ZNF518A: variants seen among roughly 807,000 people sequenced by gnomAD.
ZNF518A encodes the protein zinc finger protein 518A, also known as zinc finger protein 518.
In ZNF518A, 47 loss-of-function variants were observed where a neutral mutation model predicts 102.7. The observed-to-expected ratio is 0.46, with a 90% CI of 0.36 to 0.58. ZNF518A has a LOEUF of 0.58. ZNF518A is among the 20% of genes least tolerant of loss of function. ZNF518A has a pLI of 0.00. For synonymous variants in ZNF518A, 652 were observed against 594.6 expected, an observed-to-expected ratio of 1.10 and a Z score of -1.40; for missense variants, 1,793 against 1,699.8, an observed-to-expected ratio of 1.05 and a Z score of -0.96.
At chr10:96,142,308 GTGTGTGTGTGTGTGTGTGT>G (rs2081969879) in intron 3 of ZNF518A, among the ~76,000 whole-genome samples, 12 of 94,294 alleles carry the variant, frequency 1.3e-4, no homozygotes, top group South Asian at 2.9e-4. Context: ...TTCTTAGGGT[GTGTGTGTGTGTGTGTGTGT>G]GTGTGTGTGT....
downstream of ZNF518A, among the ~76,000 whole-genome samples, chr10:96,166,017 C>A (rs2133877993): frequency 6.6e-6 from 1 of 152,174 alleles, no homozygotes; most frequent in South Asian, 2.1e-4. Flanking sequence ...ACCAAGGGGC[C>A]ACGGGTGTAA....
At position 96,172,834 on chromosome 10, in the gene ZNF518A, T is replaced by C. The variant is rs587663256; in HGVS notation, n.35+16787T>C. The stretch of plus-strand genomic sequence containing the variant: ...TAAATCCAACTATATTAATATAACA[T>C]TAAATGTGAATGGATTAAACAGTCC... On this transcript the variant is annotated intron_variant and non_coding_transcript_variant, in intron 1 of 2. Coordinates refer to the ZNF518A transcript ENST00000442635. Among the ~76,000 whole-genome samples the C allele has an allele frequency of 1.1e-4, 17 of 152,164 alleles. No homozygotes were observed. In the South Asian group the frequency reaches 3.5e-3, roughly 32 times the overall value.
In ZNF518A at chr10:96,158,046, A is replaced by T. The variant is rs368721223; in HGVS notation, c.1724A>T (p.Asn575Ile). ...ACCACAAAATTTGAAACAAGAGATA[A>T]TGTTGACTTCTGGGGAAATCATCTC... ...NLTTKFETRD[N>I]VDFWGNHLTQ... The change falls in exon 6 of 6, where the codon AAT (asparagine) becomes ATT (isoleucine). Residue 575 changes from asparagine (N) to isoleucine (I), a missense_variant. Coordinates refer to ENST00000316045, the MANE Select transcript of ZNF518A (RefSeq NM_001330736.2). The T allele has an allele frequency of 1.8e-5, 29 of 1,613,674 alleles. No homozygotes were observed. Among genetic ancestry groups the T allele is most frequent in the East Asian group, 6.7e-5 (3 of 44,880 alleles).
intron 1 of ZNF518A, among the ~76,000 whole-genome samples, chr10:96,186,005 C>T (rs587667157): frequency 3.3e-5 from 5 of 152,338 alleles, no homozygotes; most frequent in Non-Finnish European, 7.4e-5. Flanking sequence ...AGCAAGGCTT[C>T]GTGGGCGTGG....
rs895002772 is a variant in ZNF518A, at chr10:96,200,236, C to T, written n.36-3338C>T. ...TTTCTGTGTACTAGAAACAAAGACC[C>T]ATTTGCATTATCAAGACAGGCCTCT... On this transcript the variant is annotated intron_variant and non_coding_transcript_variant, in intron 1 of 2. Transcript: ENST00000442635. This position sits in a 1 kb window ranked among gnomAD's most constrained non-coding sequence, Gnocchi z 4.3. 1 of 1,173,300 alleles carries T rather than the reference C, an allele frequency of 8.5e-7. No individual in the cohort carries two copies. Among genetic ancestry groups the T allele is most frequent in the Non-Finnish European group, 1.3e-6 (1 of 790,238 alleles). The allele number at this position is 1,173,300 out of a possible 1,614,324, so 72.7% of individuals were successfully genotyped here.
At chr10:96,131,417 C>A (rs1356822241) in intron 1 of ZNF518A, among the ~76,000 whole-genome samples, 4 of 152,142 alleles carry the variant, frequency 2.6e-5, no homozygotes, top group African/African-American at 7.2e-5. Context: ...CACTATCTTT[C>A]AGCAAAATTG....
intron 3 of ZNF518A, among the ~76,000 whole-genome samples, chr10:96,147,864 T>A (rs1554879053): frequency 1.3e-5 from 2 of 152,210 alleles, no homozygotes; most frequent in African/African-American, 4.8e-5. Flanking sequence ...AAAGTTATTT[T>A]ATTGATGATT....
At chr10:96,131,670 A>G (rs1327020747) in intron 1 of ZNF518A, among the ~76,000 whole-genome samples, 1 of 152,204 alleles carries the variant, frequency 6.6e-6, no homozygotes, top group Non-Finnish European at 1.5e-5. Flanking sequence ...AAAACGTTTT[A>G]TATCTGGTTT....
rs1591292772 is a variant in ZNF518A, at chr10:96,197,034, A to T, written n.36-6540A>T. On this transcript the variant is annotated intron_variant and non_coding_transcript_variant, in intron 1 of 2. Transcript: ENST00000442635. ...TATATGGTTGTTTGGAATCATGGCC[A>T]GAGCTTTTCCGAATAAGAAATGATC... The T allele has an allele frequency of 1.2e-6, 2 of 1,613,090 alleles. No individual in the cohort carries two copies. Among genetic ancestry groups the T allele is most frequent in the African/African-American group, 2.7e-5 (2 of 75,030 alleles).
At chr10:96,140,544 G>T (rs1564746130) in intron 3 of ZNF518A, among the ~76,000 whole-genome samples, 1 of 152,084 alleles carries the variant, frequency 6.6e-6, no homozygotes, top group Non-Finnish European at 1.5e-5. Flanking sequence ...AGCAAAAGAT[G>T]AAAATAATTC....
chr10:96,195,959 C>A (rs1217503848), intron 1 of ZNF518A, among the ~76,000 whole-genome samples: 1 of 152,214 alleles, frequency 6.6e-6, no homozygotes, highest in East Asian at 1.9e-4. Flanking sequence ...AGTTACTGTG[C>A]TCTGATTCTG....
intron 1 of ZNF518A, among the ~76,000 whole-genome samples, chr10:96,183,864 A>G (rs1554892266): frequency 6.6e-6 from 1 of 152,186 alleles, no homozygotes; most frequent in African/African-American, 2.4e-5. Flanking sequence ...AGTCCTGGAT[A>G]TCATTGTTAA....
At chr10:96,174,939 A>G (rs368240177) in intron 1 of ZNF518A, among the ~76,000 whole-genome samples, 1 of 152,152 alleles carries the variant, frequency 6.6e-6, no homozygotes, top group African/African-American at 2.4e-5. Context: ...CAATGGAATT[A>G]TTGCCCTTAA....
In ZNF518A at chr10:96,157,778, C is replaced by T; in HGVS notation, c.1456C>T (p.Pro486Ser). ...AAKDGTANLQ[P>S]QTLDTNGFLT... ...AAAGGACGGTACTGCTAATTTGCAG[C>T]CCCAGACTTTGGACACTAATGGATT... is the stretch of plus-strand genomic sequence containing the variant. The change falls in exon 6 of 6, where the codon CCC becomes TCC. Residue 486 changes from proline to serine, a missense_variant. By Grantham distance (74) the Pro-to-Ser change is moderately conservative (BLOSUM62 -1). Around this residue, in one of 3 missense-constraint regions of ZNF518A, gnomAD observed 1,741 missense variants for 1,622.6 expected, o/e 1.07. Coordinates refer to ENST00000316045, the MANE Select transcript of ZNF518A (RefSeq NM_001330736.2). The T allele has an allele frequency of 6.2e-7, 1 of 1,613,832 alleles. No homozygotes were observed. The highest frequency in any genetic ancestry group is 8.5e-7 in the Non-Finnish European group (1 of 1,179,780).
At chr10:96,202,950 C>T (rs1462878227) in intron 1 of ZNF518A, among the ~76,000 whole-genome samples, 2 of 152,208 alleles carry the variant, frequency 1.3e-5, no homozygotes, top group African/African-American at 4.8e-5. Context: ...CAGCAGCAGC[C>T]CTCCCTGCCT....
chr10:96,143,745 T>TCAGGGTTC (rs1399274017), intron 3 of ZNF518A, among the ~76,000 whole-genome samples: 5 of 152,218 alleles, frequency 3.3e-5, no homozygotes, highest in Non-Finnish European at 5.9e-5. Context: ...TTGGTTTCAG[T>TCAGGGTTC]CAGGGTTCTT....
rs2083046441 is a variant in ZNF518A at position 96,162,737 on chromosome 10, C to T, written c.*1963C>T. ...TAAATTTATCTTGTTTGTGTTTACA[C>T]AATAATTTTTTTACTGTGCTAAAAT... is the stretch of plus-strand genomic sequence containing the variant. On this transcript the variant is annotated 3_prime_UTR_variant, in exon 6 of 6. Transcript: ENST00000316045. 1 of 165,938 alleles carries T rather than the reference C, an allele frequency of 6.0e-6. No homozygotes were observed. The highest frequency in any genetic ancestry group is 2.4e-5 in the African/African-American group (1 of 41,398). The allele number at this position is 165,938 out of a possible 1,614,324, so 10.3% of individuals were successfully genotyped here. A position where few individuals can be genotyped will look rare whatever the true frequency, so the allele number is the denominator to read the frequency against.
chr10:96,150,546 G>GA (rs71486787), intron 3 of ZNF518A, among the ~76,000 whole-genome samples: 54,058 of 142,654 alleles, frequency 0.38, 11,181 homozygotes, highest in Middle Eastern at 0.55. Context: ...GATCTTTTTG[G>GA]AAAAAAAAAA....
At chr10:96,149,149 C>T (rs1367615938) in intron 3 of ZNF518A, among the ~76,000 whole-genome samples, 1 of 152,142 alleles carries the variant, frequency 6.6e-6, no homozygotes, top group African/African-American at 2.4e-5. Flanking sequence ...TTATTAGATT[C>T]AACAGATAAG....
Sources: allele counts gnomAD v4.1 joint callset (sites outside exome capture counted in the v4.1 genomes callset), GRCh38; gene constraint gnomAD v4.1.1; regional missense constraint gnomAD v4.1.1; non-coding constraint Gnocchi (gnomAD v3.1); transcripts MANE v1.5; gene names NCBI Gene and HGNC (gene_info 2026-07-23, HGNC 2026-07-21).